Variants in DCPS observed in about 807,000 individuals in gnomAD.
DCPS encodes the protein decapping enzyme, scavenger.
In DCPS, 27 loss-of-function variants were observed where a neutral mutation model predicts 34.7. The observed-to-expected ratio is 0.78, with a 90% CI of 0.57 to 1.07. The LOEUF (loss-of-function observed/expected upper bound fraction) is 1.07, where lower values mean the gene tolerates loss of function less well. DCPS is among the 50% of genes least tolerant of loss of function. The pLI, the probability that DCPS is intolerant of heterozygous loss-of-function variation, is 0.00. For missense variants in DCPS, 464 were observed against 436.9 expected (o/e 1.06, Z -0.55); for synonymous variants, 185 against 185.7 (o/e 1.00, Z 0.03).
Position 126,304,296 on chromosome 11 carries a change from C to CCCTGAGGTGG in DCPS, c.201+16_201+25dup. Reference sequence around the variant, plus strand: ...TACACGGGAAGGTACCAGGAGGCAACCCTGAGGTGGGATGCGGGAAGCAGT... The same window carrying CCCTGAGGTGG: ...TACACGGGAAGGTACCAGGAGGCAACCCTGAGGTGGCCTGAGGTGGGATGCGGGAAGCAGT... On this transcript the variant is annotated intron_variant, in intron 1 of 5. Coordinates refer to ENST00000263579, the MANE Select transcript of DCPS (RefSeq NM_014026.6). 1 of 1,613,458 alleles carries CCCTGAGGTGG rather than the reference C, an allele frequency of 6.2e-7. No homozygotes were observed. The highest frequency in any genetic ancestry group is 8.5e-7 in the Non-Finnish European group (1 of 1,179,558).
chr11:126,326,693 G>A (rs774543158), intron 2 of DCPS, among the ~76,000 whole-genome samples: 2 of 152,182 alleles, frequency 1.3e-5, no homozygotes, highest in Non-Finnish European at 1.5e-5. Context: ...GGAGGCCGAG[G>A]CATGTGGATC....
rs1454612649 is a variant in DCPS, at chr11:126,328,526, G to T, written c.377-2879G>T. Reference sequence around the variant, plus strand: ...TGAGGGGAGGCGGGAGGGGCTGGCTGGGTGAGACGCCAGTTTCCCTGCACC... The same window carrying T: ...TGAGGGGAGGCGGGAGGGGCTGGCTTGGTGAGACGCCAGTTTCCCTGCACC... On this transcript the variant is annotated intron_variant, in intron 2 of 5. Coordinates refer to ENST00000263579, the MANE Select transcript of DCPS (RefSeq NM_014026.6). The surrounding 1 kb of genome is among the most constrained non-coding windows in gnomAD (Gnocchi z 6.6). Among the ~76,000 whole-genome samples the T allele has an allele frequency of 2.0e-5, 3 of 152,182 alleles. No individual in the cohort carries two copies. The highest frequency in any genetic ancestry group is 7.2e-5 in the African/African-American group (3 of 41,460).
At position 126,347,109 on chromosome 11, in the gene DCPS, C is replaced by T. The variant is rs572986975; in HGVS notation, c.*1496C>T. On this transcript the variant is annotated 3_prime_UTR_variant, in exon 6 of 6. Coordinates refer to ENST00000263579, the MANE Select transcript of DCPS (RefSeq NM_014026.6). The surrounding 1 kb of genome is among the most constrained non-coding windows in gnomAD (Gnocchi z 4.2). The stretch of plus-strand genomic sequence containing the variant: ...AAAAAATTAAAAAAATAGAAACAGC[C>T]GGGGAGTGGAGGGTGTGGTCAGAAA... Among the ~76,000 whole-genome samples the T allele has an allele frequency of 1.8e-4, 27 of 151,796 alleles. No individual in the cohort carries two copies. The East Asian group carries it at 3.9e-3, about 22-fold the overall frequency.
chr11:126,305,737 T>G (rs991268890), intron 1 of DCPS, among the ~76,000 whole-genome samples: 1 of 148,584 alleles, frequency 6.7e-6, no homozygotes, highest in Non-Finnish European at 1.5e-5. Flanking sequence ...TTTGTTGTTT[T>G]TTGTTTGTTT....
chr11:126,325,199 A>C lies in DCPS; in HGVS notation c.377-6206A>C, dbSNP rs562664207. On this transcript the variant is annotated intron_variant, in intron 2 of 5. Transcript: ENST00000263579. This position sits in a 1 kb window ranked among gnomAD's most constrained non-coding sequence, Gnocchi z 4.3. ...GAGACTCAGTTTCGAAAAAAGAAAAAAAATTAAACAGTAAAAATGTAATGA... is the reference window on the plus strand; with the variant it reads ...GAGACTCAGTTTCGAAAAAAGAAAACAAATTAAACAGTAAAAATGTAATGA... 4.5e-5 allele frequency among the ~76,000 whole-genome samples: 2 copies of C among 44,220 alleles called. No individual in the cohort carries two copies. Among genetic ancestry groups the C allele is most frequent in the East Asian group, 0.067 (2 of 30 alleles). The allele number at this position is 44,220 out of a possible 152,430, so 29.0% of individuals were successfully genotyped here.
In DCPS at chr11:126,319,816, G is replaced by A. The variant is rs143932283; in HGVS notation, c.377-11589G>A. ...TTGCATAGAGGAACCAGACTGCCTGGGTTCAGATCTCAGCTCTGCCACTAT... is the reference window on the plus strand; with the variant it reads ...TTGCATAGAGGAACCAGACTGCCTGAGTTCAGATCTCAGCTCTGCCACTAT... On this transcript the variant is annotated intron_variant, in intron 2 of 5. Coordinates refer to ENST00000263579, the MANE Select transcript of DCPS (RefSeq NM_014026.6). This position sits in a 1 kb window ranked among gnomAD's most constrained non-coding sequence, Gnocchi z 4.5. 3.0e-3 allele frequency among the ~76,000 whole-genome samples: 456 copies of A among 152,200 alleles called. 1 individual carries two copies. The highest frequency in any genetic ancestry group is 0.011 in the African/African-American group (441 of 41,516).
intron 2 of DCPS, among the ~76,000 whole-genome samples, 156 bp downstream of exon 2, chr11:126,306,900 T>C (rs887458443): frequency 1.3e-5 from 2 of 152,082 alleles, no homozygotes; most frequent in Non-Finnish European, 2.9e-5. Flanking sequence ...GGTGAAGACA[T>C]TTTTGATTGT....
Position 126,337,636 on chromosome 11 carries a change from G to A in DCPS, c.523-650G>A, listed in dbSNP as rs577233613. Reference sequence around the variant, plus strand: ...GTCTCTGTGTCTCTACATAGCTTTCGTTTCTGCTTTGCCATGCGGGGTCTG... The same window carrying A: ...GTCTCTGTGTCTCTACATAGCTTTCATTTCTGCTTTGCCATGCGGGGTCTG... On this transcript the variant is annotated intron_variant, in intron 3 of 5. Coordinates refer to ENST00000263579, the MANE Select transcript of DCPS (RefSeq NM_014026.6). The surrounding 1 kb of genome is among the most constrained non-coding windows in gnomAD (Gnocchi z 5.3). 3.9e-5 allele frequency: 6 copies of A among 153,040 alleles called. No homozygotes were observed. Among genetic ancestry groups the A allele is most frequent in the African/African-American group, 9.6e-5 (4 of 41,576 alleles). 9.5% of individuals were successfully genotyped at this position (153,040 alleles called of 1,614,324 possible).
intron 2 of DCPS, among the ~76,000 whole-genome samples, chr11:126,308,587 T>C (rs1424889676): frequency 6.6e-6 from 1 of 152,198 alleles, no homozygotes; most frequent in Admixed American, 6.5e-5. Flanking sequence ...AGCAAATGTA[T>C]TCCTCAGCAC....
intron 1 of DCPS, among the ~76,000 whole-genome samples, chr11:126,306,125 C>T (rs1420635691): frequency 6.6e-6 from 1 of 152,146 alleles, no homozygotes; most frequent in Non-Finnish European, 1.5e-5. Context: ...GTAATCCCAG[C>T]ACTTTGGGAG....
rs1441240482 is a variant in DCPS at position 126,335,022 on chromosome 11, T to G, written c.523-3264T>G. 6.6e-6 allele frequency among the ~76,000 whole-genome samples: 1 copy of G among 152,248 alleles called. No homozygotes were observed. Among genetic ancestry groups the G allele is most frequent in the African/African-American group, 2.4e-5 (1 of 41,460 alleles). ...ATTGAGAGAGGTGCCATATATCATG[T>G]GCCTGCTATTGTTTCCAGCACAGAA... is the stretch of plus-strand genomic sequence containing the variant. On this transcript the variant is annotated intron_variant, in intron 3 of 5. Transcript: ENST00000263579. This position sits in a 1 kb window ranked among gnomAD's most constrained non-coding sequence, Gnocchi z 4.8.
Position 126,320,930 on chromosome 11 carries a change from A to G in DCPS, c.377-10475A>G, listed in dbSNP as rs1466065828. On this transcript the variant is annotated intron_variant, in intron 2 of 5. Coordinates refer to ENST00000263579, the MANE Select transcript of DCPS (RefSeq NM_014026.6). This position sits in a 1 kb window ranked among gnomAD's most constrained non-coding sequence, Gnocchi z 4.7. ...GAACTTGCTCCTTCCTTGCCCCAGC[A>G]GGAGAGTAGAGCAGAAATGTCTGGA... 3.3e-5 allele frequency among the ~76,000 whole-genome samples: 5 copies of G among 152,138 alleles called. No homozygotes were observed. The highest frequency in any genetic ancestry group is 1.2e-4 in the African/African-American group (5 of 41,442).
chr11:126,345,856 G>A lies in DCPS; in HGVS notation c.*243G>A, dbSNP rs1951921990. ...AATGGTGGAAAGTCTCCAGGTGGTG[G>A]TTTCAACTGACAGGTGGGAGCTGCC... On this transcript the variant is annotated 3_prime_UTR_variant, in exon 6 of 6. Coordinates refer to ENST00000263579, the MANE Select transcript of DCPS (RefSeq NM_014026.6). The surrounding 1 kb of genome is among the most constrained non-coding windows in gnomAD (Gnocchi z 7.4). 1 of 595,054 alleles carries A rather than the reference G, an allele frequency of 1.7e-6. No individual in the cohort carries two copies. Among genetic ancestry groups the A allele is most frequent in the African/African-American group, 1.9e-5 (1 of 53,724 alleles). The allele number at this position is 595,054 out of a possible 1,614,324, so 36.9% of individuals were successfully genotyped here.
chr11:126,345,328 C>A lies in DCPS; in HGVS notation c.748-19C>A. 6.2e-7 allele frequency: 1 copy of A among 1,612,914 alleles called. No individual in the cohort carries two copies. Among genetic ancestry groups the A allele is most frequent in the South Asian group, 1.1e-5 (1 of 91,044 alleles). ...AGGCAGCACGGTGACTCCTGACCTG[C>A]CTGCCCCTGTCTCATCAGGAGGCCA... On this transcript the variant is annotated intron_variant, in intron 5 of 5. Transcript: ENST00000263579. This position sits in a 1 kb window ranked among gnomAD's most constrained non-coding sequence, Gnocchi z 7.4.
rs866834078 is a variant in DCPS, at chr11:126,348,045, G to A, written c.*2432G>A. On this transcript the variant is annotated 3_prime_UTR_variant, in exon 6 of 6. Coordinates refer to ENST00000263579, the MANE Select transcript of DCPS (RefSeq NM_014026.6). The surrounding 1 kb of genome is among the most constrained non-coding windows in gnomAD (Gnocchi z 5.3). ...CCGTTCCTTCCCCTCATCTCGTAGC[G>A]CCTGGCCCCTGGAGGAAGGTGGGTA... Among the ~76,000 whole-genome samples the A allele has an allele frequency of 1.8e-4, 28 of 152,090 alleles. No individual in the cohort carries two copies. Among genetic ancestry groups the A allele is most frequent in the Middle Eastern group, 6.8e-3 (2 of 294 alleles).
Position 126,306,602 on chromosome 11 carries a change from G to A in DCPS, c.234G>A (p.Glu78=). 3 of 1,610,590 alleles carry A rather than the reference G, an allele frequency of 1.9e-6. No homozygotes were observed. The highest frequency in any genetic ancestry group is 2.2e-5 in the East Asian group (1 of 44,788). Residue 78 remains glutamate (E), a synonymous_variant, in exon 2 of 6, where the codon GAG becomes GAA. Transcript: ENST00000263579. ...AGGCCTCTGGGGATGGGGATGGAGAGGATGCCGTTGTGATCCTGGAGAAGA... is the reference window on the plus strand; with the variant it reads ...AGGCCTCTGGGGATGGGGATGGAGAAGATGCCGTTGTGATCCTGGAGAAGA... ...VNEASGDGDG[E]DAVVILEKTP...
Position 126,334,626 on chromosome 11 carries a change from G to A in DCPS, c.522+3076G>A, listed in dbSNP as rs1476603114. Among the ~76,000 whole-genome samples the A allele has an allele frequency of 2.0e-5, 3 of 152,130 alleles. No homozygotes were observed. The highest frequency in any genetic ancestry group is 7.2e-5 in the African/African-American group (3 of 41,440). ...CCCAAAGTGCTGGGATTACAGGTGTGAGCCACCGCACCCAGCCTCACACCT... is the reference window on the plus strand; with the variant it reads ...CCCAAAGTGCTGGGATTACAGGTGTAAGCCACCGCACCCAGCCTCACACCT... On this transcript the variant is annotated intron_variant, in intron 3 of 5. Coordinates refer to ENST00000263579, the MANE Select transcript of DCPS (RefSeq NM_014026.6). The surrounding 1 kb of genome is among the most constrained non-coding windows in gnomAD (Gnocchi z 5.5).
chr11:126,326,384 G>A (rs1224259028), intron 2 of DCPS, among the ~76,000 whole-genome samples: 1 of 152,228 alleles, frequency 6.6e-6, no homozygotes, highest in African/African-American at 2.4e-5. Context: ...ACACGGGGCT[G>A]TGGGTCCTTG....
At chr11:126,318,305 G>A (rs568747401) in intron 2 of DCPS, among the ~76,000 whole-genome samples, 17 of 152,118 alleles carry the variant, frequency 1.1e-4, no homozygotes, top group South Asian at 2.1e-4. Flanking sequence ...AGGTCTCTTC[G>A]GGCTTCACTT....
Sources: gnomAD v4.1 joint callset for allele counts (sites outside exome capture counted in the v4.1 genomes callset) on GRCh38, gnomAD v4.1.1 for gene constraint, Gnocchi (gnomAD v3.1) non-coding constraint, MANE v1.5 for transcripts, NCBI Gene and HGNC (gene_info 2026-07-23, HGNC 2026-07-21) for gene names.